CTC1: variants seen among roughly 807,000 people sequenced by gnomAD.
CTC1 encodes CST complex subunit CTC1.
A neutral mutation model predicts 136.3 loss-of-function variants in CTC1; 91 were observed. The observed-to-expected ratio is 0.67, with a 90% CI of 0.56 to 0.79. The LOEUF (loss-of-function observed/expected upper bound fraction) is 0.79, where lower values mean the gene tolerates loss of function less well. Ranked by LOEUF, CTC1 falls within the 30% of genes least tolerant of loss-of-function variation. The pLI is 0.00. For synonymous variants in CTC1, 606 were observed against 613.8 expected (o/e 0.99, Z 0.19); for missense variants, 1,432 against 1,498.1 (o/e 0.96, Z 0.73).
chr17:8,233,441 T>C (rs1347313926), intron 10 of CTC1: 3 of 161,810 alleles, frequency 1.9e-5, no homozygotes, highest in African/African-American at 4.8e-5. Flanking sequence ...CCTGGCAACA[T>C]AGTGAGACCC....
Position 8,228,330 on chromosome 17 carries a change from A to G in CTC1, c.3515-11T>C. ...GTAGCCGAGGAGGTTCTGAGGTGGG[A>G]AGAGAGGAAAAACACACGTCTCAGG... On this transcript the variant is annotated splice_polypyrimidine_tract_variant and intron_variant, in intron 22 of 22. Coordinates refer to ENST00000651323, the MANE Select transcript of CTC1 (RefSeq NM_025099.6). 3.1e-6 allele frequency: 5 copies of G among 1,613,122 alleles called. No homozygotes were observed. The highest frequency in any genetic ancestry group is 4.2e-6 in the Non-Finnish European group (5 of 1,179,344).
chr17:8,236,625 A>C (rs757533622), intron 5 of CTC1, among the ~76,000 whole-genome samples: 2 of 152,216 alleles, frequency 1.3e-5, no homozygotes, highest in African/African-American at 4.8e-5. Flanking sequence ...ATCCCGCCCC[A>C]TAACACACAA....
intron 4 of CTC1, among the ~76,000 whole-genome samples, chr17:8,237,767 A>C (rs1446140766): frequency 6.6e-6 from 1 of 151,632 alleles, no homozygotes; most frequent in Admixed American, 6.6e-5. Flanking sequence ...CACAGTAAAG[A>C]ATAACCTGGT....
Position 8,229,316 on chromosome 17 carries a change from T to G in CTC1, c.3142A>C (p.Ser1048Arg), listed in dbSNP as rs1987007618. 1 of 1,614,166 alleles carries G rather than the reference T, an allele frequency of 6.2e-7. No individual in the cohort carries two copies. Among genetic ancestry groups the G allele is most frequent in the African/African-American group, 1.3e-5 (1 of 75,036 alleles). ...QLFWVCAYCTSICRQGKCTRL... is the reference protein window; with the variant it reads ...QLFWVCAYCTRICRQGKCTRL... ...CCCTCCCTTACCTGCCGGCAGATGC[T>G]GGTACAATAAGCACACACCCAGAAG... Residue 1048 changes from serine to arginine, a missense_variant, in exon 19 of 23, where the codon AGC (serine) becomes CGC (arginine). Coordinates refer to ENST00000651323, the MANE Select transcript of CTC1 (RefSeq NM_025099.6).
Position 8,230,314 on chromosome 17 carries a change from C to G in CTC1, c.2913G>C (p.Gln971His). Residue 971 changes from glutamine to histidine, a missense_variant, in exon 17 of 23, where the codon CAG (glutamine) becomes CAC (histidine). Gln to His is a conservative substitution (Grantham distance 24). Transcript: ENST00000651323. ...LLPGARVHFS[Q>H]LEKRVSRSHN... Reference sequence around the variant, plus strand: ...TTCACCTGGAAACCCTTTTCTCCAACTGGCTGAAGTGGACCCGGGCTCCTG... The same window carrying G: ...TTCACCTGGAAACCCTTTTCTCCAAGTGGCTGAAGTGGACCCGGGCTCCTG... The G allele has an allele frequency of 6.2e-7, 1 of 1,612,662 alleles. No homozygotes were observed. The highest frequency in any genetic ancestry group is 1.1e-5 in the South Asian group (1 of 90,942).
In CTC1 at chr17:8,226,167, C is replaced by G. The variant is rs886053590; in HGVS notation, c.*2013G>C. 1 of 152,134 alleles carries G rather than the reference C, an allele frequency of 6.6e-6. No homozygotes were observed. The highest frequency in any genetic ancestry group is 1.5e-5 in the Non-Finnish European group (1 of 68,034). The allele number at this position is 152,134 out of a possible 1,614,324, so 9.4% of individuals were successfully genotyped here. A position where few individuals can be genotyped will look rare whatever the true frequency, so the allele number is the denominator to read the frequency against. On this transcript the variant is annotated 3_prime_UTR_variant, in exon 23 of 23. Coordinates refer to ENST00000651323, the MANE Select transcript of CTC1 (RefSeq NM_025099.6). The stretch of plus-strand genomic sequence containing the variant: ...TGCAGAACAGAAACTCTTACGCGTT[C>G]TGATATAAAAACAATACATGAAAGG...
intron 2 of CTC1, among the ~76,000 whole-genome samples, chr17:8,240,346 G>A (rs1231984618): frequency 6.6e-6 from 1 of 151,448 alleles, no homozygotes; most frequent in Non-Finnish European, 1.5e-5. Flanking sequence ...AGTAGAGACA[G>A]GGTTTCACCA....
At chr17:8,232,334 A>G (rs978243610) in intron 12 of CTC1, 27 bp downstream of exon 12, 2 of 1,605,464 alleles carry the variant, frequency 1.2e-6, no homozygotes, top group East Asian at 2.2e-5. Flanking sequence ...CCCAGACTCA[A>G]GACAACCATG....
At chr17:8,245,152 G>A (rs1988571234) in intron 1 of CTC1, among the ~76,000 whole-genome samples, 1 of 152,102 alleles carries the variant, frequency 6.6e-6, no homozygotes, top group Non-Finnish European at 1.5e-5. Flanking sequence ...CCTACTTGAG[G>A]GTGGGAAGAG....
In CTC1 at chr17:8,231,748, C is replaced by T. The variant is rs772328631; in HGVS notation, c.2453G>A (p.Arg818Gln). The T allele has an allele frequency of 1.3e-5, 21 of 1,613,976 alleles. No homozygotes were observed. The highest frequency in any genetic ancestry group is 1.6e-4 in the Middle Eastern group (1 of 6,084). The change falls in exon 14 of 23, where the codon CGA (arginine) becomes CAA (glutamine). Residue 818 changes from arginine (R) to glutamine (Q), a missense_variant. Arg to Gln is a conservative substitution (Grantham distance 43). Transcript: ENST00000651323. The part of the protein sequence containing the change: ...FEFLHPGQVY[R>Q]LIAPGPATPM... ...CACAGCGGGGCCAGGAGCTATGAGT[C>T]GGTACACCTGTCCCGGGTGCAAGAA...
rs2151518608 is a variant in CTC1 at position 8,234,857 on chromosome 17, T to C, written c.1509A>G (p.Gly503=). 1 of 1,613,140 alleles carries C rather than the reference T, an allele frequency of 6.2e-7. No homozygotes were observed. Among genetic ancestry groups the C allele is most frequent in the Non-Finnish European group, 8.5e-7 (1 of 1,179,574 alleles). ...CCAGGGTAGGAGCCAGGAGTTGCAGTCCCAGGCTGGGGCTCCCAGGAGAGG... is the reference window on the plus strand; with the variant it reads ...CCAGGGTAGGAGCCAGGAGTTGCAGCCCCAGGCTGGGGCTCCCAGGAGAGG... The part of the protein sequence containing the change: ...QHSSPGSPSL[G]LQLLAPTLDL... Residue 503 remains glycine (G), a synonymous_variant, in exon 9 of 23, where the codon GGA becomes GGG. Transcript: ENST00000651323.
Position 8,230,403 on chromosome 17 carries a change from A to G in CTC1, c.2824T>C (p.Phe942Leu), listed in dbSNP as rs201385835. The G allele has an allele frequency of 5.6e-6, 9 of 1,614,138 alleles. No individual in the cohort carries two copies. In the South Asian group the frequency reaches 6.6e-5, roughly 12 times the overall value. ...ATATATACATCCAGGTGAGGGGGGA[A>G]TTCACATTCAGCAGTCTCAAGAGCG... ...TVALETAECEFPPHLDVYIED... is the reference protein window; with the variant it reads ...TVALETAECELPPHLDVYIED... The change falls in exon 17 of 23, where the codon TTC (phenylalanine) becomes CTC (leucine). Residue 942 changes from phenylalanine (F) to leucine (L), a missense_variant. By Grantham distance (22) the Phe-to-Leu change is conservative. Coordinates refer to ENST00000651323, the MANE Select transcript of CTC1 (RefSeq NM_025099.6).
chr17:8,234,528 G>C lies in CTC1; in HGVS notation c.1745C>G (p.Pro582Arg), dbSNP rs1487111687. The C allele has an allele frequency of 6.4e-7, 1 of 1,562,292 alleles. No homozygotes were observed. The highest frequency in any genetic ancestry group is 1.2e-5 in the South Asian group (1 of 85,118). ...CAGGCGGCGATTGAGTTGGCAGCTG[G>C]GCAGGTAGGAGGCCTCCGGGAGGGG... Reference protein sequence around the residue: ...LLPLPEASYLPSCQLNRRLAW... With the variant: ...LLPLPEASYLRSCQLNRRLAW... Residue 582 changes from proline to arginine, a missense_variant, in exon 10 of 23, where the codon CCC becomes CGC. By Grantham distance (103) the Pro-to-Arg change is moderately radical. Coordinates refer to ENST00000651323, the MANE Select transcript of CTC1 (RefSeq NM_025099.6).
chr17:8,234,627 A>G lies in CTC1; in HGVS notation c.1646T>C (p.Phe549Ser), dbSNP rs1019443155. 6.2e-6 allele frequency: 10 copies of G among 1,612,780 alleles called. No individual in the cohort carries two copies. Among genetic ancestry groups the G allele is most frequent in the Non-Finnish European group, 7.6e-6 (9 of 1,179,346 alleles). Reference sequence around the variant, plus strand: ...TTCTTTCAGGGTGGCCAGAGTGGGGAAGGAGGAGGGAGTCTGCAGCCGAGT... The same window carrying G: ...TTCTTTCAGGGTGGCCAGAGTGGGGGAGGAGGAGGGAGTCTGCAGCCGAGT... Reference protein sequence around the residue: ...KYTRLQTPSSFPTLATLKEEG... With the variant: ...KYTRLQTPSSSPTLATLKEEG... The change falls in exon 10 of 23, where the codon TTC becomes TCC. Residue 549 changes from phenylalanine (F) to serine (S), a missense_variant. By Grantham distance (155) the Phe-to-Ser change is radical (BLOSUM62 -2). Coordinates refer to ENST00000651323, the MANE Select transcript of CTC1 (RefSeq NM_025099.6).
chr17:8,237,414 T>A lies in CTC1; in HGVS notation c.753A>T (p.Arg251Ser). Residue 251 changes from arginine to serine, a missense_variant, in exon 5 of 23, where the codon AGA becomes AGT. Physicochemically the swap from Arg to Ser is moderately radical, Grantham distance 110. Coordinates refer to ENST00000651323, the MANE Select transcript of CTC1 (RefSeq NM_025099.6). ...QKAYFILSLGRSHPAVTHVSI... is the reference protein window; with the variant it reads ...QKAYFILSLGSSHPAVTHVSI... ...ACACGTGGGTGACAGCTGGGTGTGA[T>A]CTACCAAGAGACAGGATGAAGTAAG... 1.2e-6 allele frequency: 2 copies of A among 1,614,062 alleles called. No homozygotes were observed. Among genetic ancestry groups the A allele is most frequent in the Non-Finnish European group, 1.7e-6 (2 of 1,180,010 alleles).
Position 8,238,602 on chromosome 17 carries a change from A to G in CTC1, c.225T>C (p.Thr75=), listed in dbSNP as rs761598220. ...GGCTGCAGCATGGGAGACGCTGGTG[A>G]GTCTTGAGGTCCTGTACTGAGACGA... ...YSFVSVQDLK[T]HQRLPCCSHL... The change falls in exon 3 of 23, where the codon ACT becomes ACC. Residue 75 remains threonine (T), a synonymous_variant. Coordinates refer to ENST00000651323, the MANE Select transcript of CTC1 (RefSeq NM_025099.6). 2 of 1,611,494 alleles carry G rather than the reference A, an allele frequency of 1.2e-6. No individual in the cohort carries two copies. Among genetic ancestry groups the G allele is most frequent in the Admixed American group, 3.3e-5 (2 of 59,838 alleles).
At chr17:8,235,501 G>A (rs771963170) in intron 7 of CTC1, 9 of 598,924 alleles carry the variant, frequency 1.5e-5, no homozygotes, top group East Asian at 2.8e-5. Context: ...TGGGCTGGGT[G>A]GCTCCTGGAT....
In CTC1 at chr17:8,228,877, A is replaced by G; in HGVS notation, c.3237T>C (p.Asp1079=). The G allele has an allele frequency of 4.3e-6, 7 of 1,613,244 alleles. No individual in the cohort carries two copies. The highest frequency in any genetic ancestry group is 5.9e-6 in the Non-Finnish European group (7 of 1,179,676). ...AGGTCACCACGGCTTCGGCAGTCCC[A>G]TCCTCCACCAGGAGCCTATGGGGAG... ...SQAIIRLLVE[D]GTAEAVVTCR... Residue 1079 remains aspartate (D), a synonymous_variant, in exon 21 of 23, where the codon GAT becomes GAC. Transcript: ENST00000651323.
intron 2 of CTC1, among the ~76,000 whole-genome samples, chr17:8,242,555 T>C (rs199889101): frequency 1.9e-5 from 1 of 54,018 alleles, no homozygotes; most frequent in African/African-American, 5.3e-5. Context: ...AAAAAAAAAA[T>C]ATATATATAT....
Sources: gnomAD v4.1 joint callset for allele counts (sites outside exome capture counted in the v4.1 genomes callset) on GRCh38, gnomAD v4.1.1 for gene constraint, MANE v1.5 for transcripts, NCBI Gene and HGNC (gene_info 2026-07-23, HGNC 2026-07-21) for gene names.